The following ALX4 variants were observed in gnomAD, a reference collection of about 807,000 sequenced individuals.
ALX4 encodes the protein ALX homeobox 4.
ALX4 carries 22 observed loss-of-function variants against 40.6 expected under a neutral mutation model. The ratio of observed to expected loss-of-function variants is 0.54; its 90% CI spans 0.39 to 0.77. The LOEUF is 0.77. Among genes scored for constraint, ALX4 ranks in the 30% least tolerant of loss-of-function variants. The pLI is 0.00. For synonymous variants in ALX4, 266 were observed against 240.5 expected, an observed-to-expected ratio of 1.11 and a Z score of -0.98; for missense variants, 556 against 564.8, an observed-to-expected ratio of 0.98 and a Z score of 0.16.
At chr11:44,265,623 C>T (rs1177754819) in intron 3 of ALX4, among the ~76,000 whole-genome samples, 5 of 152,130 alleles carry the variant, frequency 3.3e-5, no homozygotes, top group Non-Finnish European at 5.9e-5. Context: ...GCTTTGGCCT[C>T]GCAGGTTCCC....
intron 1 of ALX4, among the ~76,000 whole-genome samples, chr11:44,277,414 A>G (rs772054873): frequency 2.0e-5 from 3 of 152,162 alleles, no homozygotes; most frequent in African/African-American, 7.2e-5. Flanking sequence ...GGGAAAAGGA[A>G]CTTGTTGAGT....
At chr11:44,283,728 T>C (rs1044700106) in intron 1 of ALX4, among the ~76,000 whole-genome samples, 2 of 152,128 alleles carry the variant, frequency 1.3e-5, no homozygotes, top group Non-Finnish European at 2.9e-5. Context: ...CACACCCCGC[T>C]CATTTTTGTA....
chr11:44,290,133 C>T (rs367996974), intron 1 of ALX4, among the ~76,000 whole-genome samples: 63 of 152,318 alleles, frequency 4.1e-4, no homozygotes, highest in African/African-American at 1.5e-3. Context: ...AACCATGTGG[C>T]CCTGGGCGTG....
chr11:44,295,034 A>G lies in ALX4; in HGVS notation c.466+14563T>C, dbSNP rs373339972. ...CCAGCTAATTTTTTGTATTTTTAGT[A>G]GAGACAGGGTTTCACTATGTTGGCC... On this transcript the variant is annotated intron_variant, in intron 1 of 3. Transcript: ENST00000652299. 2.6e-5 allele frequency among the ~76,000 whole-genome samples: 4 copies of G among 152,124 alleles called. No individual in the cohort carries two copies. In the South Asian group the frequency reaches 6.2e-4, roughly 24 times the overall value.
rs1207718614 is a variant in ALX4 at position 44,261,710 on chromosome 11, G to A, written c.*3144C>T. ...CAGGGACTGGAGGCTGTCAGTGTGG[G>A]GAGGCTGCCCATCCATCTGCCGGCT... is the stretch of plus-strand genomic sequence containing the variant. On this transcript the variant is annotated 3_prime_UTR_variant, in exon 4 of 4. Transcript: ENST00000652299. 6.6e-6 allele frequency: 1 copy of A among 152,196 alleles called. No individual in the cohort carries two copies. Among genetic ancestry groups the A allele is most frequent in the Non-Finnish European group, 1.5e-5 (1 of 68,044 alleles). The allele number at this position is 152,196 out of a possible 1,614,324, so 9.4% of individuals were successfully genotyped here.
chr11:44,281,284 T>A (rs1590694370), intron 1 of ALX4, among the ~76,000 whole-genome samples: 1 of 151,400 alleles, frequency 6.6e-6, no homozygotes, highest in Non-Finnish European at 1.5e-5. Context: ...TGTGGATAGG[T>A]TTGTGGAGTG....
At chr11:44,307,343 C>T (rs767495605) in intron 1 of ALX4, among the ~76,000 whole-genome samples, 7 of 152,158 alleles carry the variant, frequency 4.6e-5, no homozygotes, top group African/African-American at 1.2e-4. Context: ...GGGGCAGTAG[C>T]GGGTCAAGTG....
chr11:44,276,773 T>A (rs1956280534), intron 1 of ALX4, among the ~76,000 whole-genome samples: 1 of 152,204 alleles, frequency 6.6e-6, no homozygotes, highest in Admixed American at 6.5e-5. Context: ...AGGCATCAGA[T>A]TCTCTTAAGG....
At chr11:44,283,667 G>C (rs79729160) in intron 1 of ALX4, among the ~76,000 whole-genome samples, 1 of 152,098 alleles carries the variant, frequency 6.6e-6, no homozygotes, top group Admixed American at 6.6e-5. Context: ...AGATTCAAAC[G>C]ATTGTCGGAC....
At chr11:44,275,322 C>T (rs1171720755) in intron 2 of ALX4, 26 bp downstream of exon 2, 3 of 1,613,798 alleles carry the variant, frequency 1.9e-6, no homozygotes, top group Admixed American at 1.7e-5. Flanking sequence ...CTTTACCAGC[C>T]TCACTCCCAG....
At chr11:44,270,391 CCTT>C (rs1260661206) in intron 2 of ALX4, among the ~76,000 whole-genome samples, 2 of 152,050 alleles carry the variant, frequency 1.3e-5, no homozygotes, top group Non-Finnish European at 2.9e-5. Context: ...CCTCCTCCCT[CCTT>C]CTTCTCCTGT....
At chr11:44,309,403 T>C (rs917651196) in intron 1 of ALX4, among the ~76,000 whole-genome samples, 194 bp downstream of exon 1, 1 of 152,188 alleles carries the variant, frequency 6.6e-6, no homozygotes, top group African/African-American at 2.4e-5. Flanking sequence ...GCTCCGTGCC[T>C]AGGCCGGCGG....
At chr11:44,272,275 G>GC (rs1956252502) in intron 2 of ALX4, among the ~76,000 whole-genome samples, 1 of 14,532 alleles carries the variant, frequency 6.9e-5, no homozygotes, top group Non-Finnish European at 3.5e-4. Flanking sequence ...GGAGGCTGAG[G>GC]TGGTGGATCA....
intron 1 of ALX4, among the ~76,000 whole-genome samples, chr11:44,302,283 C>A (rs1956439218): frequency 6.6e-6 from 1 of 152,168 alleles, no homozygotes; most frequent in Non-Finnish European, 1.5e-5. Flanking sequence ...AACCCTCGGC[C>A]TCGCCCTGAA....
rs932894462 is a variant in ALX4, at chr11:44,262,881, GA to G, written c.*1972del. 5.3e-5 allele frequency: 8 copies of G among 152,178 alleles called. No homozygotes were observed. Among genetic ancestry groups the G allele is most frequent in the African/African-American group, 1.9e-4 (8 of 41,436 alleles). The allele number at this position is 152,178 out of a possible 1,614,324, so 9.4% of individuals were successfully genotyped here. A position where few individuals can be genotyped will look rare whatever the true frequency, so the allele number is the denominator to read the frequency against. On this transcript the variant is annotated 3_prime_UTR_variant, in exon 4 of 4. Coordinates refer to ENST00000652299, the MANE Select transcript of ALX4 (RefSeq NM_021926.4). ...GTCATTTCAGCGAACCTCAGAACTA[GA>G]AAAAACTTCCCAAAAGTCACTCCAA...
intron 1 of ALX4, among the ~76,000 whole-genome samples, chr11:44,287,441 G>C (rs1292970818): frequency 1.3e-5 from 2 of 151,864 alleles, no homozygotes; most frequent in Non-Finnish European, 2.9e-5. Context: ...GAGGCCAGAG[G>C]GGGTAAATGC....
At chr11:44,277,940 T>TGGC (rs1027361647) in intron 1 of ALX4, among the ~76,000 whole-genome samples, 1 of 152,052 alleles carries the variant, frequency 6.6e-6, no homozygotes, top group African/African-American at 2.4e-5. Context: ...AAACTGCAGC[T>TGGC]GGCAGCTGGG....
chr11:44,292,009 G>C (rs998330750), intron 1 of ALX4, among the ~76,000 whole-genome samples: 9 of 151,658 alleles, frequency 5.9e-5, no homozygotes, highest in Non-Finnish European at 1.5e-5. Flanking sequence ...AGTAGAGGTG[G>C]GGTTTCACCA....
intron 1 of ALX4, among the ~76,000 whole-genome samples, chr11:44,291,926 C>A (rs1956371910): frequency 6.6e-6 from 1 of 152,214 alleles, no homozygotes; most frequent in African/African-American, 2.4e-5. Flanking sequence ...TCAAGCCATT[C>A]TTCTGCCTCA....
Sources: allele counts gnomAD v4.1 joint callset (sites outside exome capture counted in the v4.1 genomes callset), GRCh38; gene constraint gnomAD v4.1.1; transcripts MANE v1.5; gene names NCBI Gene and HGNC (gene_info 2026-07-23, HGNC 2026-07-21).